The following LARGE1 variants were observed in gnomAD, a reference collection of about 807,000 sequenced individuals.
The protein encoded by LARGE1 is xylosyl- and glucuronyltransferase LARGE1.
A neutral mutation model predicts 87.6 loss-of-function variants in LARGE1; 43 were observed. The observed-to-expected ratio is 0.49, with a 90% confidence interval of 0.38 to 0.63. LARGE1 has a LOEUF of 0.63. LARGE1 is among the 30% of genes least tolerant of loss of function. LARGE1 has a pLI of 0.00. For missense variants in LARGE1, 802 were observed against 1,000.2 expected (o/e 0.80, Z 2.67); for synonymous variants, 434 against 394.6 (o/e 1.10, Z -1.18).
chr22:33,863,760 T>G (rs527846463), intron 1 of LARGE1, among the ~76,000 whole-genome samples: 1 of 140,836 alleles, frequency 7.1e-6, no homozygotes, highest in East Asian at 2.1e-4. Flanking sequence ...AGAGCGAGAC[T>G]CTGTCTCAGA....
chr22:33,101,458 G>A, the LARGE1 span, among the ~76,000 whole-genome samples: 1 of 152,124 alleles, frequency 6.6e-6, no homozygotes. Context: ...TAATCAAATA[G>A]GTTCGATTGC....
chr22:33,190,216 T>C (rs927403578), intron 11 of LARGE1, among the ~76,000 whole-genome samples: 1 of 152,164 alleles, frequency 6.6e-6, no homozygotes, highest in African/African-American at 2.4e-5. Context: ...TAAGATTTGC[T>C]CTTAATACCA....
chr22:33,640,174 T>C (rs776409845), intron 3 of LARGE1, among the ~76,000 whole-genome samples: 1 of 152,166 alleles, frequency 6.6e-6, no homozygotes, highest in Non-Finnish European at 1.5e-5. Context: ...CTGACTGACA[T>C]TTCTTGTCTG....
intron 9 of LARGE1, among the ~76,000 whole-genome samples, chr22:33,376,256 T>C (rs562167467): frequency 4.6e-5 from 7 of 152,360 alleles, no homozygotes; most frequent in Admixed American, 6.5e-5. Context: ...TATTAGATGA[T>C]AGCTGTGTGC....
chr22:33,513,545 T>G (rs1042702830), intron 6 of LARGE1, among the ~76,000 whole-genome samples: 2 of 151,724 alleles, frequency 1.3e-5, no homozygotes, highest in Admixed American at 6.6e-5. Flanking sequence ...CTGAAAAAAA[T>G]GCTGATAAGC....
intron 2 of LARGE1, among the ~76,000 whole-genome samples, chr22:33,671,862 T>C (rs2081424405): frequency 6.6e-6 from 1 of 152,196 alleles, no homozygotes; most frequent in African/African-American, 2.4e-5. Flanking sequence ...CATAAATGGA[T>C]TAAGAATGGT....
intron 4 of LARGE1, among the ~76,000 whole-genome samples, chr22:33,617,874 T>C (rs2079626903): frequency 6.6e-6 from 1 of 152,204 alleles, no homozygotes; most frequent in Admixed American, 6.5e-5. Context: ...CAGGCTGAGA[T>C]GCAATAAATA....
At position 33,365,620 on chromosome 22, in the gene LARGE1, T is replaced by C. The variant is rs981245388; in HGVS notation, c.1131+16299A>G. On this transcript the variant is annotated intron_variant, in intron 9 of 14. Coordinates refer to ENST00000397394, the MANE Select transcript of LARGE1 (RefSeq NM_133642.5). ...AAGTATCTTTTGCTTTTCTCTCTTT[T>C]TTTTTTTTTTTTGAGATGGAGTCTT... Among the ~76,000 whole-genome samples, 265 of 149,308 alleles carry C rather than the reference T, an allele frequency of 1.8e-3. 1 individual carries two copies. The highest frequency in any genetic ancestry group is 6.4e-3 in the African/African-American group (254 of 39,744).
intron 2 of LARGE1, among the ~76,000 whole-genome samples, chr22:33,696,340 G>A (rs2082250437): frequency 6.9e-6 from 1 of 145,762 alleles, no homozygotes; most frequent in African/African-American, 2.6e-5. Flanking sequence ...TCGGCTCAAT[G>A]CAACCTCTGC....
chr22:33,502,193 C>G (rs996849764), intron 6 of LARGE1, among the ~76,000 whole-genome samples: 11 of 70,330 alleles, frequency 1.6e-4, no homozygotes, highest in African/African-American at 5.6e-4. Flanking sequence ...GAGACCCCAT[C>G]TTAAAAAAAA....
intron 11 of LARGE1, among the ~76,000 whole-genome samples, chr22:33,262,115 C>T (rs759929684): frequency 1.3e-5 from 2 of 152,154 alleles, no homozygotes; most frequent in African/African-American, 2.4e-5. Context: ...CCTTAAAAGA[C>T]GGGCAGGATT....
intron 6 of LARGE1, among the ~76,000 whole-genome samples, chr22:33,435,580 C>T (rs1179330618): frequency 6.6e-6 from 1 of 152,096 alleles, no homozygotes; most frequent in East Asian, 1.9e-4. Flanking sequence ...ACCTTCCACC[C>T]AGCTCTGGGA....
At chr22:33,403,347 G>T (rs2065988151) in intron 7 of LARGE1, among the ~76,000 whole-genome samples, 1 of 152,112 alleles carries the variant, frequency 6.6e-6, no homozygotes, top group East Asian at 1.9e-4. Context: ...TGCAGAAGAG[G>T]GGCTAAAAAA....
chr22:33,313,577 C>T (rs1182128413), intron 11 of LARGE1, among the ~76,000 whole-genome samples: 2 of 152,192 alleles, frequency 1.3e-5, no homozygotes, highest in African/African-American at 4.8e-5. Context: ...ACTCCAGGGT[C>T]ATGGGCCAGA....
intron 7 of LARGE1, among the ~76,000 whole-genome samples, chr22:33,399,718 T>A (rs896757009): frequency 6.6e-6 from 1 of 152,126 alleles, no homozygotes; most frequent in African/African-American, 2.4e-5. Context: ...CCGGCTAATT[T>A]TTTGTATTTT....
rs367986664 is a variant in LARGE1 at position 33,604,390 on chromosome 22, T to A, written c.615+45A>T. 2.6e-5 allele frequency: 42 copies of A among 1,613,170 alleles called. No homozygotes were observed. The African/African-American group carries it at 5.3e-4, about 21-fold the overall frequency. ...CTGCTCAACCACAAGTAATAACGCT[T>A]CCAGCTAGAGGAGATCACGGAAGTG... On this transcript the variant is annotated intron_variant, in intron 5 of 14. Coordinates refer to ENST00000397394, the MANE Select transcript of LARGE1 (RefSeq NM_133642.5).
At chr22:33,445,225 A>T (rs977872524) in intron 6 of LARGE1, among the ~76,000 whole-genome samples, 3 of 152,124 alleles carry the variant, frequency 2.0e-5, no homozygotes, top group Non-Finnish European at 2.9e-5. Context: ...GTCCCATCTC[A>T]AAATATGGTC....
chr22:33,784,962 T>G (rs115018536), intron 1 of LARGE1, among the ~76,000 whole-genome samples: 1 of 150,792 alleles, frequency 6.6e-6, no homozygotes, highest in Non-Finnish European at 1.5e-5. Flanking sequence ...TGTACATGGG[T>G]ATATACATGT....
Position 33,565,027 on chromosome 22 carries a change from G to C in LARGE1, c.616-8C>G. On this transcript the variant is annotated splice_polypyrimidine_tract_variant and splice_region_variant and intron_variant, in intron 5 of 14. Coordinates refer to ENST00000397394, the MANE Select transcript of LARGE1 (RefSeq NM_133642.5). Reference sequence around the variant, plus strand: ...GATCCAGGAAACTTCAGACTAGACAGAACAAGGCAGAGAGAGAGTTGGAGA... The same window carrying C: ...GATCCAGGAAACTTCAGACTAGACACAACAAGGCAGAGAGAGAGTTGGAGA... 1 of 1,613,420 alleles carries C rather than the reference G, an allele frequency of 6.2e-7. No homozygotes were observed. Among genetic ancestry groups the C allele is most frequent in the Non-Finnish European group, 8.5e-7 (1 of 1,179,396 alleles).
Sources: gnomAD v4.1 joint callset for allele counts (sites outside exome capture counted in the v4.1 genomes callset) on GRCh38, gnomAD v4.1.1 for gene constraint, MANE v1.5 for transcripts, NCBI Gene and HGNC (gene_info 2026-07-23, HGNC 2026-07-21) for gene names.